Variants in SLC7A1 observed in about 807,000 individuals in gnomAD.
The protein encoded by SLC7A1 is solute carrier family 7 member 1, also known as high affinity cationic amino acid transporter 1.
SLC7A1 carries 10 observed loss-of-function variants against 53.9 expected under a neutral mutation model. The ratio of observed to expected loss-of-function variants is 0.19; its 90% CI spans 0.11 to 0.31. SLC7A1 has a LOEUF of 0.31. SLC7A1 is among the 10% of genes least tolerant of loss of function. The pLI is 1.00. For synonymous variants in SLC7A1, 342 were observed against 338.7 expected (o/e 1.01, Z -0.11); for missense variants, 525 against 827.2 (o/e 0.63, Z 4.48).
chr13:29,522,519 C>G (rs979478044), intron 7 of SLC7A1, 63 bp from the exon 8 acceptor site: 22 of 1,581,914 alleles, frequency 1.4e-5, no homozygotes, highest in Non-Finnish European at 1.8e-5. Context: ...GGCACCACAT[C>G]CAGCCATGCT....
rs563877700 is a variant in SLC7A1 at position 29,524,124 on chromosome 13, G to A, written c.826+8C>T. On this transcript the variant is annotated splice_region_variant and intron_variant, in intron 6 of 12. Coordinates refer to ENST00000380752, the MANE Select transcript of SLC7A1 (RefSeq NM_003045.5). Reference sequence around the variant, plus strand: ...AGGACCCGGGACCGCAGTGGCTGGCGGACATACCTGTGGTGGCGATGCAGT... The same window carrying A: ...AGGACCCGGGACCGCAGTGGCTGGCAGACATACCTGTGGTGGCGATGCAGT... The A allele has an allele frequency of 1.7e-4, 281 of 1,611,664 alleles. No individual in the cohort carries two copies. Among genetic ancestry groups the A allele is most frequent in the Middle Eastern group, 3.7e-4 (2 of 5,434 alleles).
At chr13:29,593,004 G>C (rs976231715) in intron 1 of SLC7A1, among the ~76,000 whole-genome samples, 1 of 152,148 alleles carries the variant, frequency 6.6e-6, no homozygotes, top group Non-Finnish European at 1.5e-5. Context: ...CCCAGATTTG[G>C]CGAGAGGAGC....
At chr13:29,519,350 A>C in intron 9 of SLC7A1, 97 bp downstream of exon 9, 1 of 716,214 alleles carries the variant, frequency 1.4e-6, no homozygotes, top group Non-Finnish European at 2.4e-6. Flanking sequence ...TCACCAACCT[A>C]AAAGTTTCAT....
chr13:29,520,744 A>G (rs1868599420), intron 8 of SLC7A1, among the ~76,000 whole-genome samples: 1 of 152,250 alleles, frequency 6.6e-6, no homozygotes. Flanking sequence ...CAACTAAAAC[A>G]AATTTAAATG....
chr13:29,588,147 CA>C (rs1338519440), intron 1 of SLC7A1, among the ~76,000 whole-genome samples: 1 of 152,094 alleles, frequency 6.6e-6, no homozygotes, highest in Non-Finnish European at 1.5e-5. Context: ...ACTCCTTCCC[CA>C]AAAATACTTA....
chr13:29,536,453 C>G (rs1278784085), intron 2 of SLC7A1, among the ~76,000 whole-genome samples: 1 of 152,168 alleles, frequency 6.6e-6, no homozygotes, highest in Non-Finnish European at 1.5e-5. Flanking sequence ...CTCTGAGCTT[C>G]CACATTTGTA....
At chr13:29,542,806 TAAA>T in intron 2 of SLC7A1, among the ~76,000 whole-genome samples, 1 of 149,710 alleles carries the variant, frequency 6.7e-6, no homozygotes, top group Middle Eastern at 3.4e-3. Flanking sequence ...TTATGCAGCT[TAAA>T]AAAAAAACCA....
At chr13:29,563,538 G>C (rs2139155567) in intron 1 of SLC7A1, among the ~76,000 whole-genome samples, 1 of 152,352 alleles carries the variant, frequency 6.6e-6, no homozygotes, top group Non-Finnish European at 1.5e-5. Context: ...AACAGGGGAA[G>C]AACAGCAGTA....
chr13:29,573,321 T>C (rs1397051393), intron 1 of SLC7A1, among the ~76,000 whole-genome samples: 1 of 152,108 alleles, frequency 6.6e-6, no homozygotes, highest in Non-Finnish European at 1.5e-5. Context: ...GGAACTTGGA[T>C]GTGGAGCACA....
intron 2 of SLC7A1, among the ~76,000 whole-genome samples, chr13:29,545,513 GAGACAATGTACTAGGA>G: frequency 6.6e-6 from 1 of 152,228 alleles, no homozygotes; most frequent in South Asian, 2.1e-4. Flanking sequence ...AGGCTCACAT[GAGACAATGTACTAGGA>G]AACGCCCAGA....
intron 1 of SLC7A1, among the ~76,000 whole-genome samples, chr13:29,590,869 C>T (rs959942331): frequency 4.6e-5 from 7 of 152,096 alleles, no homozygotes; most frequent in Non-Finnish European, 7.4e-5. Flanking sequence ...TTTAGGGAGG[C>T]GAGGCAGGTG....
chr13:29,530,951 C>T (rs1869125573), intron 4 of SLC7A1, among the ~76,000 whole-genome samples: 1 of 152,094 alleles, frequency 6.6e-6, no homozygotes, highest in Non-Finnish European at 1.5e-5. Flanking sequence ...CCTCCAGATA[C>T]CCTTGGGAAC....
At chr13:29,556,423 G>A (rs1052510875) in intron 1 of SLC7A1, among the ~76,000 whole-genome samples, 4 of 151,786 alleles carry the variant, frequency 2.6e-5, no homozygotes, top group Non-Finnish European at 5.9e-5. Flanking sequence ...TCACTCAGGC[G>A]ACAGAATGCA....
chr13:29,562,140 C>T (rs1593570624), intron 1 of SLC7A1, among the ~76,000 whole-genome samples: 2 of 152,340 alleles, frequency 1.3e-5, no homozygotes, highest in Middle Eastern at 6.8e-3. Flanking sequence ...CTGCCAGTTT[C>T]CCAATGATCA....
chr13:29,557,768 T>G (rs1173032501), intron 1 of SLC7A1, among the ~76,000 whole-genome samples: 5 of 82,792 alleles, frequency 6.0e-5, no homozygotes, highest in Non-Finnish European at 1.2e-4. Flanking sequence ...GGAGTGAATA[T>G]GAGTGAGGGA....
intron 8 of SLC7A1, among the ~76,000 whole-genome samples, chr13:29,521,151 C>T (rs377190241): frequency 6.6e-5 from 10 of 152,268 alleles, no homozygotes; most frequent in African/African-American, 1.9e-4. Flanking sequence ...TCAATCTGAC[C>T]ACTGTGGTCA....
Position 29,552,013 on chromosome 13 carries a change from AG to A in SLC7A1, c.-15+1747del, listed in dbSNP as rs1278950392. On this transcript the variant is annotated intron_variant, in intron 2 of 12. Coordinates refer to ENST00000380752, the MANE Select transcript of SLC7A1 (RefSeq NM_003045.5). Reference sequence around the variant, plus strand: ...TCCTTCCTCCTTAATTCTTATTTCAAGGCAGGCTGCTCAAAGTTGCTTACAT... The same window carrying A: ...TCCTTCCTCCTTAATTCTTATTTCAAGCAGGCTGCTCAAAGTTGCTTACAT... Among the ~76,000 whole-genome samples the A allele has an allele frequency of 2.0e-5, 3 of 152,276 alleles. No individual in the cohort carries two copies. In the East Asian group the frequency reaches 5.8e-4, roughly 29 times the overall value.
intron 2 of SLC7A1, among the ~76,000 whole-genome samples, chr13:29,542,815 A>C (rs1391815698): frequency 6.6e-6 from 1 of 151,834 alleles, no homozygotes; most frequent in Non-Finnish European, 1.5e-5. Context: ...TTAAAAAAAA[A>C]ACCAATCGTC....
rs1458555686 is a variant in SLC7A1 at position 29,509,468 on chromosome 13, A to G, written c.*5012T>C. ...AGAAGCATGAGATAATGTACCACAA[A>G]AGAGTTTGATTTTACAACATAAAGT... On this transcript the variant is annotated 3_prime_UTR_variant, in exon 13 of 13. Coordinates refer to ENST00000380752, the MANE Select transcript of SLC7A1 (RefSeq NM_003045.5). 1.3e-5 allele frequency: 2 copies of G among 152,626 alleles called. No homozygotes were observed. The highest frequency in any genetic ancestry group is 2.9e-5 in the Non-Finnish European group (2 of 68,044). The allele number at this position is 152,626 out of a possible 1,614,324, so 9.5% of individuals were successfully genotyped here. A position where few individuals can be genotyped will look rare whatever the true frequency, so the allele number is the denominator to read the frequency against.
Sources: allele counts gnomAD v4.1 joint callset (sites outside exome capture counted in the v4.1 genomes callset), GRCh38; gene constraint gnomAD v4.1.1; transcripts MANE v1.5; gene names NCBI Gene and HGNC (gene_info 2026-07-23, HGNC 2026-07-21).